Variants in ZBTB7C observed in about 807,000 individuals in gnomAD.
ZBTB7C encodes the protein zinc finger and BTB domain-containing protein 7C.
In ZBTB7C, 8 loss-of-function variants were observed where a neutral mutation model predicts 25.7. That is an observed-to-expected ratio of 0.31 (90% CI 0.18 to 0.56). The LOEUF (loss-of-function observed/expected upper bound fraction) is 0.56, where lower values mean the gene tolerates loss of function less well. ZBTB7C is among the 20% of genes least tolerant of loss of function. The pLI is 0.91. For synonymous variants in ZBTB7C, 394 were observed against 369.0 expected (o/e 1.07, Z -0.78); for missense variants, 824 against 855.2 (o/e 0.96, Z 0.46).
chr18:48,061,973 C>T (rs1394603378), intron 3 of ZBTB7C, among the ~76,000 whole-genome samples: 4 of 152,146 alleles, frequency 2.6e-5, no homozygotes, highest in Admixed American at 2.0e-4. Flanking sequence ...CAGCAAGTGC[C>T]GATGTGTGCT....
chr18:48,178,123 C>T (rs1430977569), intron 3 of ZBTB7C, among the ~76,000 whole-genome samples: 1 of 152,190 alleles, frequency 6.6e-6, no homozygotes, highest in Non-Finnish European at 1.5e-5. Flanking sequence ...TTGAGAGTTC[C>T]CTGCACTGGC....
intron 3 of ZBTB7C, among the ~76,000 whole-genome samples, chr18:48,138,181 C>T (rs1258506157): frequency 4.6e-5 from 7 of 152,242 alleles, no homozygotes; most frequent in African/African-American, 1.7e-4. Flanking sequence ...CTCCGGCAGG[C>T]CATGAGCCTT....
chr18:48,237,327 G>A (rs555763267), intron 2 of ZBTB7C, among the ~76,000 whole-genome samples: 1 of 145,134 alleles, frequency 6.9e-6, no homozygotes, highest in African/African-American at 2.6e-5. Context: ...CCATTGTGAG[G>A]AGAAGAATGG....
chr18:48,378,584 T>A (rs761639015), intron 1 of ZBTB7C, among the ~76,000 whole-genome samples: 1 of 152,162 alleles, frequency 6.6e-6, no homozygotes, highest in African/African-American at 2.4e-5. Context: ...TTTTTAAATA[T>A]ATGCAGATAA....
intron 1 of ZBTB7C, among the ~76,000 whole-genome samples, chr18:48,379,243 C>T (rs986649566): frequency 6.6e-6 from 1 of 152,200 alleles, no homozygotes; most frequent in Non-Finnish European, 1.5e-5. Flanking sequence ...GCTAATACCA[C>T]CCCCTCTTGA....
chr18:48,319,083 G>A (rs1244391098), intron 2 of ZBTB7C, among the ~76,000 whole-genome samples: 5 of 151,496 alleles, frequency 3.3e-5, no homozygotes, highest in African/African-American at 9.7e-5. Context: ...GTCAATTAAC[G>A]AGTATTCATG....
chr18:48,408,792 G>C (rs2048340317), intron 1 of ZBTB7C: 1 of 151,228 alleles, frequency 6.6e-6, no homozygotes, highest in Non-Finnish European at 1.5e-5. Context: ...GCGCCGCCGA[G>C]CCCCGGGCCG....
chr18:48,111,576 T>C (rs1484212950), intron 3 of ZBTB7C, among the ~76,000 whole-genome samples: 1 of 152,148 alleles, frequency 6.6e-6, no homozygotes, highest in Non-Finnish European at 1.5e-5. Context: ...ACCAGAGCCC[T>C]GGCTGGGGGT....
At chr18:48,282,581 T>C (rs1008178820) in intron 2 of ZBTB7C, among the ~76,000 whole-genome samples, 3 of 152,212 alleles carry the variant, frequency 2.0e-5, no homozygotes, top group Admixed American at 6.5e-5. Flanking sequence ...TTGGTTTTAA[T>C]AGTCCCCACC....
chr18:48,285,822 A>AT (rs548984138), intron 2 of ZBTB7C, among the ~76,000 whole-genome samples: 34 of 151,854 alleles, frequency 2.2e-4, no homozygotes, highest in South Asian at 1.2e-3. Flanking sequence ...TTCAAGGGCA[A>AT]TTTTTTTTAT....
chr18:48,209,628 C>CAA (rs1226465251), intron 2 of ZBTB7C, among the ~76,000 whole-genome samples: 1 of 151,968 alleles, frequency 6.6e-6, no homozygotes, highest in Non-Finnish European at 1.5e-5. Context: ...TGGTGGGTCA[C>CAA]ATTTGTAGTC....
intron 1 of ZBTB7C, among the ~76,000 whole-genome samples, chr18:48,382,790 A>G (rs1291943131): frequency 6.6e-6 from 1 of 152,266 alleles, no homozygotes; most frequent in African/African-American, 2.4e-5. Context: ...GGTTAGGACA[A>G]ACTATACTAA....
chr18:48,055,893 G>T (rs2036898671), intron 3 of ZBTB7C, among the ~76,000 whole-genome samples: 1 of 152,146 alleles, frequency 6.6e-6, no homozygotes, highest in Admixed American at 6.5e-5. Flanking sequence ...CTCCACCCTG[G>T]ACTGAGGAAA....
At chr18:48,324,949 G>A (rs562705964) in intron 2 of ZBTB7C, among the ~76,000 whole-genome samples, 1 of 152,312 alleles carries the variant, frequency 6.6e-6, no homozygotes, top group South Asian at 2.1e-4. Context: ...TGATGCGAGA[G>A]GGTGCGTAGA....
intron 3 of ZBTB7C, chr18:48,137,313 A>C (rs10853562): frequency 0.84 from 824,925 of 985,274 alleles, 345,982 homozygotes; most frequent in African/African-American, 0.94. Flanking sequence ...CCAAATTAAG[A>C]TCTTTGGAAA....
chr18:48,159,881 A>G (rs2040948447), intron 3 of ZBTB7C, among the ~76,000 whole-genome samples: 1 of 152,190 alleles, frequency 6.6e-6, no homozygotes, highest in Admixed American at 6.5e-5. Context: ...TCCAGCCCCC[A>G]GAGATTCTGG....
chr18:48,112,718 G>A (rs1309391714), intron 3 of ZBTB7C, among the ~76,000 whole-genome samples: 1 of 152,162 alleles, frequency 6.6e-6, no homozygotes, highest in Admixed American at 6.5e-5. Flanking sequence ...GAGAAAAAAT[G>A]GTTACAAAGT....
chr18:48,277,073 G>A (rs1293017674), intron 2 of ZBTB7C, among the ~76,000 whole-genome samples: 18 of 150,958 alleles, frequency 1.2e-4, no homozygotes, highest in African/African-American at 4.4e-4. Context: ...TACCATTCAG[G>A]ACATAGGCAT....
chr18:48,292,992 T>C (rs893432555), intron 2 of ZBTB7C, among the ~76,000 whole-genome samples: 26 of 152,184 alleles, frequency 1.7e-4, no homozygotes, highest in African/African-American at 6.3e-4. Flanking sequence ...CCTTAGAATA[T>C]CAGCTCCTTG....
Sources: allele counts gnomAD v4.1 joint callset (sites outside exome capture counted in the v4.1 genomes callset), GRCh38; gene constraint gnomAD v4.1.1; transcripts MANE v1.5; gene names NCBI Gene and HGNC (gene_info 2026-07-23, HGNC 2026-07-21).